The following CHRM3 variants were observed in gnomAD, a reference collection of about 807,000 sequenced individuals.
CHRM3 encodes muscarinic acetylcholine receptor M3.
In CHRM3, 11 loss-of-function variants were observed where a neutral mutation model predicts 41.8. That is an observed-to-expected ratio of 0.26 (90% CI 0.17 to 0.44). The LOEUF (loss-of-function observed/expected upper bound fraction) is 0.44, where lower values mean the gene tolerates loss of function less well. Ranked by LOEUF, CHRM3 falls within the 20% of genes least tolerant of loss-of-function variation. CHRM3 has a pLI of 1.00. For synonymous variants in CHRM3, 297 were observed against 301.4 expected, an observed-to-expected ratio of 0.99 and a Z score of 0.15; for missense variants, 571 against 745.4, an observed-to-expected ratio of 0.77 and a Z score of 2.72.
chr1:239,562,052 G>A (rs1163647616), intron 3 of CHRM3, among the ~76,000 whole-genome samples: 2 of 152,096 alleles, frequency 1.3e-5, no homozygotes, highest in African/African-American at 2.4e-5. Context: ...TGTTTTGACG[G>A]TTCAGGATAC....
intron 5 of CHRM3, among the ~76,000 whole-genome samples, chr1:239,792,350 G>A (rs1193029703): frequency 6.6e-6 from 1 of 152,134 alleles, no homozygotes; most frequent in Non-Finnish European, 1.5e-5. Context: ...CAGACTGACA[G>A]CTTGCAGTCT....
intron 4 of CHRM3, among the ~76,000 whole-genome samples, chr1:239,675,232 T>G: frequency 6.6e-6 from 1 of 152,212 alleles, no homozygotes; most frequent in Middle Eastern, 3.2e-3. Context: ...TACATTTTCA[T>G]AAATTGCTCA....
intron 5 of CHRM3, among the ~76,000 whole-genome samples, chr1:239,734,317 G>C (rs1179126373): frequency 2.0e-5 from 3 of 152,150 alleles, no homozygotes; most frequent in East Asian, 1.9e-4. Context: ...CATGTCGAAA[G>C]GACTCAGAGC....
chr1:239,417,902 A>G (rs1661630199), intron 1 of CHRM3, among the ~76,000 whole-genome samples: 3 of 152,152 alleles, frequency 2.0e-5, no homozygotes, highest in Non-Finnish European at 2.9e-5. Flanking sequence ...TTCCTTGTCA[A>G]TGGAATTTCT....
intron 1 of CHRM3, among the ~76,000 whole-genome samples, chr1:239,445,999 G>T (rs901920243): frequency 1.2e-4 from 18 of 151,678 alleles, no homozygotes. Context: ...GTGCAGTCAC[G>T]CAATCTCGGC....
At chr1:239,534,413 A>G (rs572182020) in intron 2 of CHRM3, among the ~76,000 whole-genome samples, 4 of 152,352 alleles carry the variant, frequency 2.6e-5, no homozygotes, top group Admixed American at 6.5e-5. Flanking sequence ...TATTACCTGT[A>G]TTTAATTTGC....
chr1:239,627,906 C>A (rs1183299599), intron 3 of CHRM3, among the ~76,000 whole-genome samples: 2 of 150,142 alleles, frequency 1.3e-5, no homozygotes, highest in African/African-American at 5.0e-5. Context: ...TTGAGGGTAA[C>A]CCGACCATTC....
intron 3 of CHRM3, among the ~76,000 whole-genome samples, chr1:239,576,198 T>C (rs192163486): frequency 6.6e-6 from 1 of 152,268 alleles, no homozygotes; most frequent in East Asian, 1.9e-4. Flanking sequence ...ATACCACATT[T>C]TGTTTATCCA....
chr1:239,538,151 G>C (rs568078364), intron 2 of CHRM3, among the ~76,000 whole-genome samples: 1 of 152,284 alleles, frequency 6.6e-6, no homozygotes, highest in South Asian at 2.1e-4. Flanking sequence ...GCATGTAATG[G>C]CTAAAATAAT....
chr1:239,457,055 GTC>G (rs1664995629), intron 1 of CHRM3, among the ~76,000 whole-genome samples: 1 of 152,136 alleles, frequency 6.6e-6, no homozygotes, highest in Admixed American at 6.5e-5. Context: ...GCTTGTTGCT[GTC>G]ATTCCCCGGA....
chr1:239,864,538 A>ACG (rs1035110176), intron 6 of CHRM3, among the ~76,000 whole-genome samples: 30 of 143,382 alleles, frequency 2.1e-4, no homozygotes, highest in African/African-American at 2.6e-4. Context: ...ACACACACAC[A>ACG]CACACACGCA....
chr1:239,760,694 CAT>C (rs755149816), intron 5 of CHRM3, among the ~76,000 whole-genome samples: 8 of 152,156 alleles, frequency 5.3e-5, no homozygotes, highest in Non-Finnish European at 1.0e-4. Context: ...CCGCTCTGCT[CAT>C]GTGTGGTTTG....
At chr1:239,477,418 C>T (rs1666539811) in intron 1 of CHRM3, among the ~76,000 whole-genome samples, 1 of 152,112 alleles carries the variant, frequency 6.6e-6, no homozygotes, top group Admixed American at 6.6e-5. Context: ...TTTTAAAATC[C>T]ATTCAAGACC....
At chr1:239,644,638 G>C (rs1037385751) in intron 4 of CHRM3, among the ~76,000 whole-genome samples, 1 of 152,144 alleles carries the variant, frequency 6.6e-6, no homozygotes. Context: ...CCTTGGAGAG[G>C]GTTGTGATGA....
rs1000815137 is a variant in CHRM3, at chr1:239,877,116, G to A, written c.-19-30317G>A. 1.3e-5 allele frequency among the ~76,000 whole-genome samples: 2 copies of A among 152,108 alleles called. 1 individual carries two copies. Among genetic ancestry groups the A allele is most frequent in the Non-Finnish European group, 2.9e-5 (2 of 68,032 alleles). ...TGAAACCCAGACATACACACACAGA[G>A]TCATCCTGTTTGCTTGCAATTTTAA... On this transcript the variant is annotated intron_variant, in intron 6 of 6. Coordinates refer to ENST00000676153, the MANE Select transcript of CHRM3 (RefSeq NM_001375978.1).
intron 3 of CHRM3, among the ~76,000 whole-genome samples, chr1:239,553,856 G>C (rs942211138): frequency 6.6e-6 from 1 of 152,136 alleles, no homozygotes; most frequent in Admixed American, 6.6e-5. Flanking sequence ...GGGCAAACAA[G>C]CCTAGGAAAG....
At position 239,551,144 on chromosome 1, in the gene CHRM3, C is replaced by CTTTTT. The variant is rs1157407521; in HGVS notation, c.-313+5418_-313+5422dup. 4.5e-4 allele frequency among the ~76,000 whole-genome samples: 27 copies of CTTTTT among 60,356 alleles called. 3 individuals carry two copies. The highest frequency in any genetic ancestry group is 1.2e-3 in the East Asian group (2 of 1,736). 39.6% of individuals were successfully genotyped at this position (60,356 alleles called of 152,430 possible). Reference sequence around the variant, plus strand: ...GAAAATGCATATAAGTGTTACCATTCTTTTTTTTTTTTTTTTTTTTTTTTT... The same window carrying CTTTTT: ...GAAAATGCATATAAGTGTTACCATTCTTTTTTTTTTTTTTTTTTTTTTTTTTTTTT... On this transcript the variant is annotated intron_variant, in intron 3 of 6. Transcript: ENST00000676153.
chr1:239,589,495 T>G (rs537410762), intron 3 of CHRM3, among the ~76,000 whole-genome samples: 8 of 150,690 alleles, frequency 5.3e-5, no homozygotes, highest in Admixed American at 4.0e-4. Context: ...TATAGTTTTA[T>G]GTAATTTTCA....
Position 239,807,999 on chromosome 1 carries a change from T to C in CHRM3, c.-146-19253T>C, listed in dbSNP as rs984920159. On this transcript the variant is annotated intron_variant, in intron 5 of 6. Coordinates refer to ENST00000676153, the MANE Select transcript of CHRM3 (RefSeq NM_001375978.1). ...AAGCTGTTCTGCAATGAATATTCATTAGTTATATAAAACATGAAGTTTTTT... is the reference window on the plus strand; with the variant it reads ...AAGCTGTTCTGCAATGAATATTCATCAGTTATATAAAACATGAAGTTTTTT... 9.2e-5 allele frequency among the ~76,000 whole-genome samples: 14 copies of C among 152,202 alleles called. No homozygotes were observed. In the East Asian group the frequency reaches 9.6e-4, roughly 10 times the overall value.
Sources: gnomAD v4.1 joint callset for allele counts (sites outside exome capture counted in the v4.1 genomes callset) on GRCh38, gnomAD v4.1.1 for gene constraint, MANE v1.5 for transcripts, NCBI Gene and HGNC (gene_info 2026-07-23, HGNC 2026-07-21) for gene names.